The following ZFPM2 variants were observed in gnomAD, a reference collection of about 807,000 sequenced individuals.
ZFPM2 encodes the protein zinc finger protein ZFPM2.
In ZFPM2, 20 loss-of-function variants were observed where a neutral mutation model predicts 98.6. The ratio of observed to expected loss-of-function variants is 0.20; its 90% CI spans 0.14 to 0.29. The LOEUF (loss-of-function observed/expected upper bound fraction) is 0.29, where lower values mean the gene tolerates loss of function less well. Ranked by LOEUF, ZFPM2 falls within the 10% of genes least tolerant of loss-of-function variation. The pLI is 1.00. For synonymous variants in ZFPM2, 518 were observed against 502.7 expected (o/e 1.03, Z -0.41); for missense variants, 1,310 against 1,388.6 (o/e 0.94, Z 0.90).
intron 1 of ZFPM2, among the ~76,000 whole-genome samples, chr8:105,322,281 C>G (rs544193308): frequency 2.0e-5 from 3 of 152,130 alleles, no homozygotes; most frequent in Non-Finnish European, 4.4e-5. Context: ...TGATTTTTTT[C>G]TTTTACCAAT....
At chr8:105,709,568 TA>T (rs1027551004) in intron 5 of ZFPM2, among the ~76,000 whole-genome samples, 2 of 152,076 alleles carry the variant, frequency 1.3e-5, no homozygotes, top group Non-Finnish European at 2.9e-5. Context: ...TTACAGTACT[TA>T]AAAGTTTGGG....
At chr8:105,777,515 A>G (rs1813131347) in intron 5 of ZFPM2, among the ~76,000 whole-genome samples, 1 of 152,148 alleles carries the variant, frequency 6.6e-6, no homozygotes, top group Admixed American at 6.5e-5. Flanking sequence ...TTCTCCCAAG[A>G]AGTTCTAGGA....
intron 3 of ZFPM2, among the ~76,000 whole-genome samples, chr8:105,542,316 A>G (rs1422874640): frequency 6.6e-6 from 1 of 152,146 alleles, no homozygotes; most frequent in Non-Finnish European, 1.5e-5. Context: ...ACCTGAGGTG[A>G]TAGATTTTAT....
chr8:105,410,390 T>C (rs1300736142), intron 1 of ZFPM2, among the ~76,000 whole-genome samples: 1 of 151,886 alleles, frequency 6.6e-6, no homozygotes, highest in Admixed American at 6.6e-5. Flanking sequence ...CCAAAGCCCT[T>C]TTTTAGTGTT....
intron 5 of ZFPM2, among the ~76,000 whole-genome samples, chr8:105,731,343 G>T (rs1378079199): frequency 2.0e-5 from 3 of 150,936 alleles, no homozygotes; most frequent in Non-Finnish European, 4.4e-5. Context: ...AACAATATTT[G>T]CCCATTGTGA....
intron 5 of ZFPM2, among the ~76,000 whole-genome samples, chr8:105,708,428 A>ATTGT (rs897594788): frequency 9.3e-5 from 14 of 151,226 alleles, no homozygotes; most frequent in Admixed American, 2.6e-4. Flanking sequence ...TTTCGTTGCC[A>ATTGT]TTGTTTGTTT....
At chr8:105,637,042 G>C (rs546533433) in intron 5 of ZFPM2, among the ~76,000 whole-genome samples, 2 of 152,212 alleles carry the variant, frequency 1.3e-5, no homozygotes, top group Admixed American at 1.3e-4. Context: ...GTCCAACTTA[G>C]GGTTGGAGTG....
intron 7 of ZFPM2, 24 bp from the exon 8 acceptor site, chr8:105,801,023 T>C: frequency 6.3e-7 from 1 of 1,585,806 alleles, no homozygotes; most frequent in Non-Finnish European, 8.6e-7. Context: ...TTTCTCATTG[T>C]TCTTATTTTG....
intron 5 of ZFPM2, among the ~76,000 whole-genome samples, chr8:105,703,216 A>G (rs1221106394): frequency 6.6e-6 from 1 of 152,196 alleles, no homozygotes; most frequent in Non-Finnish European, 1.5e-5. Context: ...ATTTATTAAT[A>G]ATAGATAATA....
intron 3 of ZFPM2, among the ~76,000 whole-genome samples, chr8:105,548,199 T>C (rs1814757851): frequency 6.6e-6 from 1 of 152,062 alleles, no homozygotes; most frequent in African/African-American, 2.4e-5. Flanking sequence ...ACATGATAAA[T>C]ATACTCACCT....
intron 5 of ZFPM2, among the ~76,000 whole-genome samples, chr8:105,762,887 A>T (rs1418871708): frequency 6.6e-6 from 1 of 151,872 alleles, no homozygotes; most frequent in African/African-American, 2.4e-5. Flanking sequence ...GTAGATCTTT[A>T]TTGGTAAAAC....
intron 3 of ZFPM2, among the ~76,000 whole-genome samples, chr8:105,527,947 T>C (rs1814211570): frequency 6.6e-6 from 1 of 152,202 alleles, no homozygotes; most frequent in Non-Finnish European, 1.5e-5. Flanking sequence ...TAGAAGATAG[T>C]TCTTCAGTAC....
intron 5 of ZFPM2, among the ~76,000 whole-genome samples, chr8:105,655,062 C>T (rs1039996003): frequency 6.6e-6 from 1 of 151,738 alleles, no homozygotes; most frequent in African/African-American, 2.4e-5. Context: ...AAATAAAATC[C>T]GAGGAATAAA....
intron 3 of ZFPM2, among the ~76,000 whole-genome samples, chr8:105,508,977 G>A (rs145823677): frequency 6.6e-6 from 1 of 152,102 alleles, no homozygotes; most frequent in East Asian, 1.9e-4. Flanking sequence ...TGTGTGATGG[G>A]CCCCATTTAC....
chr8:105,732,756 G>T (rs902597956), intron 5 of ZFPM2, among the ~76,000 whole-genome samples: 1 of 151,784 alleles, frequency 6.6e-6, no homozygotes, highest in Non-Finnish European at 1.5e-5. Context: ...GCAATGGGCG[G>T]TAAAGACATT....
At chr8:105,517,962 T>C (rs1234589231) in intron 3 of ZFPM2, among the ~76,000 whole-genome samples, 1 of 152,168 alleles carries the variant, frequency 6.6e-6, no homozygotes, top group African/African-American at 2.4e-5. Flanking sequence ...CCCTTGATCA[T>C]TGTGTGCCTC....
At chr8:105,609,755 A>G (rs1816270080) in intron 4 of ZFPM2, among the ~76,000 whole-genome samples, 1 of 152,210 alleles carries the variant, frequency 6.6e-6, no homozygotes, top group Non-Finnish European at 1.5e-5. Flanking sequence ...TCATTCAAAA[A>G]TAGTTGAGGA....
At chr8:105,354,416 T>C (rs1329620911) in intron 1 of ZFPM2, among the ~76,000 whole-genome samples, 1 of 152,230 alleles carries the variant, frequency 6.6e-6, no homozygotes, top group Non-Finnish European at 1.5e-5. Flanking sequence ...ATAAAAAATG[T>C]TCTGTTTAAA....
intron 5 of ZFPM2, among the ~76,000 whole-genome samples, chr8:105,710,712 T>TG (rs533596551): frequency 1.2e-4 from 17 of 147,604 alleles, no homozygotes; most frequent in Admixed American, 2.7e-4. Flanking sequence ...TATGTGTGTG[T>TG]GGGGGGGTGT....
Sources: allele counts gnomAD v4.1 joint callset (sites outside exome capture counted in the v4.1 genomes callset), GRCh38; gene constraint gnomAD v4.1.1; transcripts MANE v1.5; gene names NCBI Gene and HGNC (gene_info 2026-07-23, HGNC 2026-07-21).